The following ATPSCKMT variants were observed in gnomAD, a reference collection of about 807,000 sequenced individuals.
ATPSCKMT encodes the protein ATP synthase subunit C lysine N-methyltransferase.
ATPSCKMT carries 24 observed loss-of-function variants against 24.3 expected under a neutral mutation model. That is an observed-to-expected ratio of 0.99 (90% confidence interval 0.71 to 1.39). The LOEUF is 1.39. Among genes scored for constraint, ATPSCKMT ranks in the 40% most tolerant of loss-of-function variants. The probability of loss-of-function intolerance (pLI) is 0.00; values close to 1 mark genes in which losing one functional copy is unlikely to be tolerated. For missense variants in ATPSCKMT, 311 were observed against 298.4 expected (o/e 1.04, Z -0.31); for synonymous variants, 95 against 110.5 (o/e 0.86, Z 0.88).
At chr5:10,248,150 C>T (rs1412882167) in intron 1 of ATPSCKMT, among the ~76,000 whole-genome samples, 1 of 152,226 alleles carries the variant, frequency 6.6e-6, no homozygotes, top group Non-Finnish European at 1.5e-5. Flanking sequence ...CTTGTATGTG[C>T]ATACCTGTTT....
intron 3 of ATPSCKMT, among the ~76,000 whole-genome samples, 179 bp from the exon 4 acceptor site, chr5:10,235,440 T>C (rs978254143): frequency 2.0e-5 from 3 of 152,070 alleles, no homozygotes; most frequent in African/African-American, 7.2e-5. Flanking sequence ...ATGTTCATGC[T>C]CTCATTCATT....
intron 4 of ATPSCKMT, among the ~76,000 whole-genome samples, chr5:10,231,194 G>A (rs1744115998): frequency 6.6e-6 from 1 of 152,106 alleles, no homozygotes; most frequent in East Asian, 1.9e-4. Context: ...CCAGTAACTT[G>A]GGCCAACACG....
chr5:10,245,368 C>T (rs774762848), intron 1 of ATPSCKMT, among the ~76,000 whole-genome samples: 36 of 152,006 alleles, frequency 2.4e-4, no homozygotes, highest in Admixed American at 1.3e-3. Flanking sequence ...TGCAGTGATC[C>T]GAGACCGCGC....
chr5:10,242,978 AG>A (rs1744719058), intron 1 of ATPSCKMT, among the ~76,000 whole-genome samples: 1 of 152,200 alleles, frequency 6.6e-6, no homozygotes, highest in Non-Finnish European at 1.5e-5. Flanking sequence ...GCTGTCATCC[AG>A]GCTGTGTTGT....
rs1185113927 is a variant in ATPSCKMT, at chr5:10,225,511, C to T, written c.*1930G>A. Among the ~76,000 whole-genome samples, 1 of 152,128 alleles carries T rather than the reference C, an allele frequency of 6.6e-6. No individual in the cohort carries two copies. Among genetic ancestry groups the T allele is most frequent in the Non-Finnish European group, 1.5e-5 (1 of 68,024 alleles). On this transcript the variant is annotated 3_prime_UTR_variant, in exon 5 of 5. Coordinates refer to ENST00000511437, the MANE Select transcript of ATPSCKMT (RefSeq NM_199133.4). The stretch of plus-strand genomic sequence containing the variant: ...GACATACCTGAGGCTGGGCGATTTA[C>T]AAAAGAAAGAGCTTTAATTGGACTT...
intron 2 of ATPSCKMT, chr5:10,236,922 C>T: frequency 7.3e-7 from 1 of 1,366,532 alleles, no homozygotes; most frequent in African/African-American, 1.4e-5. Flanking sequence ...GGAGGTCGAA[C>T]AAAACATTGC....
chr5:10,227,390 T>C lies in ATPSCKMT; in HGVS notation c.*51A>G, dbSNP rs754539796. Reference sequence around the variant, plus strand: ...TGCTAAGGACACAGCTGTAAGTCTCTACAAGATCAGGGAAGACTACAATAT... The same window carrying C: ...TGCTAAGGACACAGCTGTAAGTCTCCACAAGATCAGGGAAGACTACAATAT... On this transcript the variant is annotated 3_prime_UTR_variant, in exon 5 of 5. Transcript: ENST00000511437. The C allele has an allele frequency of 3.1e-6, 5 of 1,587,404 alleles. No individual in the cohort carries two copies. Among genetic ancestry groups the C allele is most frequent in the Non-Finnish European group, 4.3e-6 (5 of 1,160,668 alleles).
chr5:10,248,280 G>A (rs1345753116), intron 1 of ATPSCKMT: 1 of 152,142 alleles, frequency 6.6e-6, no homozygotes, highest in Non-Finnish European at 1.5e-5. Context: ...TTGATATTAG[G>A]AAAAATCCTC....
chr5:10,230,027 A>G (rs544476268), intron 4 of ATPSCKMT, among the ~76,000 whole-genome samples: 2 of 152,378 alleles, frequency 1.3e-5, no homozygotes, highest in African/African-American at 4.8e-5. Flanking sequence ...TGATATTTAG[A>G]AAACAAGATC....
chr5:10,229,800 T>A (rs1197746542), intron 4 of ATPSCKMT, among the ~76,000 whole-genome samples: 1 of 152,266 alleles, frequency 6.6e-6, no homozygotes, highest in East Asian at 1.9e-4. Flanking sequence ...TATAATCCAT[T>A]ACTGTCCTTG....
intron 4 of ATPSCKMT, among the ~76,000 whole-genome samples, chr5:10,231,376 C>G (rs1405398660): frequency 1.3e-5 from 2 of 152,040 alleles, no homozygotes; most frequent in African/African-American, 4.8e-5. Flanking sequence ...TGTACCCACC[C>G]CTGCCTCCAC....
At position 10,239,298 on chromosome 5, in the gene ATPSCKMT, A is replaced by G; in HGVS notation, c.75T>C (p.Ser25=). The G allele has an allele frequency of 6.2e-7, 1 of 1,614,164 alleles. No homozygotes were observed. Among genetic ancestry groups the G allele is most frequent in the Non-Finnish European group, 8.5e-7 (1 of 1,180,028 alleles). The change falls in exon 2 of 5, where the codon AGT becomes AGC. Residue 25 remains serine, a synonymous_variant. Transcript: ENST00000511437. ...TTTTCTGCAAACTGTTGACTTCAAA[A>G]CTTGCAGGTAGAACATGTCTTGACT... ...ESQSRHVLPA[S]FEVNSLQKSN...
intron 2 of ATPSCKMT, chr5:10,236,851 A>G: frequency 6.8e-7 from 1 of 1,467,904 alleles, no homozygotes; most frequent in Non-Finnish European, 9.1e-7. Flanking sequence ...AAGTATCAGA[A>G]TAGACATTCA....
intron 3 of ATPSCKMT, chr5:10,236,106 T>C (rs1453485217): frequency 6.1e-6 from 1 of 163,322 alleles, no homozygotes; most frequent in Non-Finnish European, 1.3e-5. Context: ...TCTCTCTAAA[T>C]ATACGAATAT....
At chr5:10,233,252 G>A (rs550179803) in intron 4 of ATPSCKMT, among the ~76,000 whole-genome samples, 9 of 152,032 alleles carry the variant, frequency 5.9e-5, no homozygotes, top group African/African-American at 1.7e-4. Context: ...CACAGCACAC[G>A]CCCCCTCCCC....
At chr5:10,236,894 AG>A in intron 2 of ATPSCKMT, 1 of 1,411,546 alleles carries the variant, frequency 7.1e-7, no homozygotes, top group Non-Finnish European at 9.4e-7. Flanking sequence ...AATTGATTCT[AG>A]GTCAGCCAAC....
intron 2 of ATPSCKMT, among the ~76,000 whole-genome samples, chr5:10,238,027 G>A (rs1177695632): frequency 6.6e-6 from 1 of 152,226 alleles, no homozygotes; most frequent in Admixed American, 6.5e-5. Flanking sequence ...TTACAGGCAT[G>A]AGCCACCACA....
chr5:10,229,618 G>A (rs1267621001), intron 4 of ATPSCKMT, among the ~76,000 whole-genome samples: 1 of 152,136 alleles, frequency 6.6e-6, no homozygotes, highest in South Asian at 2.1e-4. Flanking sequence ...TAGCACTCAC[G>A]GATGATTCTG....
rs138015090 is a variant in ATPSCKMT at position 10,233,635 on chromosome 5, G to A, written c.495+1576C>T. Among the ~76,000 whole-genome samples, 237 of 150,338 alleles carry A rather than the reference G, an allele frequency of 1.6e-3. 1 individual carries two copies. Among genetic ancestry groups the A allele is most frequent in the South Asian group, 0.016 (75 of 4,800 alleles). On this transcript the variant is annotated intron_variant, in intron 4 of 4. Coordinates refer to ENST00000511437, the MANE Select transcript of ATPSCKMT (RefSeq NM_199133.4). Reference sequence around the variant, plus strand: ...AACATGGTAAGAAGCACCCGGAGTCGGCTCCACAGGTCCTGGAGTGACGAT... The same window carrying A: ...AACATGGTAAGAAGCACCCGGAGTCAGCTCCACAGGTCCTGGAGTGACGAT...
Sources: gnomAD v4.1 joint callset for allele counts (sites outside exome capture counted in the v4.1 genomes callset) on GRCh38, gnomAD v4.1.1 for gene constraint, MANE v1.5 for transcripts, NCBI Gene and HGNC (gene_info 2026-07-23, HGNC 2026-07-21) for gene names.